The following EMCN variants were observed in gnomAD, a reference collection of about 807,000 sequenced individuals.
EMCN encodes the protein endomucin, also known as MUC-14.
Under a neutral mutation model 38.4 loss-of-function variants are expected in EMCN, and 37 were observed. The ratio of observed to expected loss-of-function variants is 0.96; its 90% CI spans 0.74 to 1.27. The LOEUF is 1.27. Among genes scored for constraint, EMCN ranks in the 50% most tolerant of loss-of-function variants. The pLI, the probability that EMCN is intolerant of heterozygous loss-of-function variation, is 0.00. For missense variants in EMCN, 318 were observed against 302.8 expected, an observed-to-expected ratio of 1.05 and a Z score of -0.37; for synonymous variants, 95 against 100.8, an observed-to-expected ratio of 0.94 and a Z score of 0.35.
chr4:100,430,613 G>T (rs1727169975), intron 5 of EMCN, among the ~76,000 whole-genome samples: 1 of 152,138 alleles, frequency 6.6e-6, no homozygotes, highest in Non-Finnish European at 1.5e-5. Flanking sequence ...TAAAGTGATT[G>T]CTGGGCAGCT....
At chr4:100,478,300 G>GACTAACCTCCTTCCTT (rs774062224) in intron 2 of EMCN, among the ~76,000 whole-genome samples, 2 of 152,078 alleles carry the variant, frequency 1.3e-5, no homozygotes, top group Non-Finnish European at 2.9e-5. Context: ...CCCTAGAATA[G>GACTAACCTCCTTCCTT]ACTAACCTCC....
intron 9 of EMCN, among the ~76,000 whole-genome samples, chr4:100,416,841 T>C (rs1275043808): frequency 6.6e-6 from 1 of 152,146 alleles, no homozygotes; most frequent in African/African-American, 2.4e-5. Context: ...TTTAAAACTC[T>C]AGGTATTTTT....
chr4:100,401,189 ATATACAG>A (rs1726248755), intron 11 of EMCN, among the ~76,000 whole-genome samples: 1 of 152,194 alleles, frequency 6.6e-6, no homozygotes, highest in African/African-American at 2.4e-5. Flanking sequence ...TACGATCATA[ATATACAG>A]TTGGCCTTCC....
chr4:100,417,913 T>C (rs1416888845), intron 8 of EMCN, among the ~76,000 whole-genome samples: 1 of 152,232 alleles, frequency 6.6e-6, no homozygotes, highest in South Asian at 2.1e-4. Context: ...TTTTATTCCA[T>C]TGCAGCTTCT....
intron 5 of EMCN, among the ~76,000 whole-genome samples, chr4:100,435,877 TCAA>T (rs1452009857): frequency 6.6e-6 from 1 of 151,948 alleles, no homozygotes; most frequent in Non-Finnish European, 1.5e-5. Flanking sequence ...AAAAATTAAC[TCAA>T]GATGGATTAA....
At chr4:100,516,676 A>C (rs897651418) in intron 1 of EMCN, among the ~76,000 whole-genome samples, 3 of 152,104 alleles carry the variant, frequency 2.0e-5, no homozygotes, top group Non-Finnish European at 4.4e-5. Flanking sequence ...CGTGAATTTG[A>C]AGTGTTTTTG....
intron 1 of EMCN, among the ~76,000 whole-genome samples, chr4:100,490,174 T>TAAAA (rs35563606): frequency 1.7e-5 from 2 of 120,366 alleles, no homozygotes; most frequent in African/African-American, 3.0e-5. Flanking sequence ...CTTGAAAAAG[T>TAAAA]AAAAAAAAAA....
chr4:100,514,980 A>G (rs1422109449), intron 1 of EMCN, among the ~76,000 whole-genome samples: 2 of 152,090 alleles, frequency 1.3e-5, no homozygotes, highest in African/African-American at 2.4e-5. Flanking sequence ...TAAACTTACG[A>G]TATTTAGCAT....
intron 1 of EMCN, among the ~76,000 whole-genome samples, chr4:100,514,833 C>T (rs1330093801): frequency 6.6e-6 from 1 of 152,112 alleles, no homozygotes; most frequent in Non-Finnish European, 1.5e-5. Context: ...ACATCCAAAA[C>T]CAGGCTAGTT....
chr4:100,508,349 A>T (rs1729537242), intron 1 of EMCN, among the ~76,000 whole-genome samples: 1 of 152,168 alleles, frequency 6.6e-6, no homozygotes, highest in African/African-American at 2.4e-5. Context: ...AATATAAGAA[A>T]GTTGTTATAT....
rs577033576 is a variant in EMCN at position 100,426,266 on chromosome 4, G to C, written c.416-2862C>G. The stretch of plus-strand genomic sequence containing the variant: ...CGTGTCCTCTGAAACCCATCTCTCT[G>C]TTTGTGCTGGTGCCATGTCTCTCTA... On this transcript the variant is annotated intron_variant, in intron 5 of 11. Transcript: ENST00000296420. Among the ~76,000 whole-genome samples, 5 of 152,258 alleles carry C rather than the reference G, an allele frequency of 3.3e-5. No homozygotes were observed. In the South Asian group the frequency reaches 6.2e-4, roughly 19 times the overall value.
chr4:100,416,966 G>T, intron 9 of EMCN, 151 bp downstream of exon 9: 2 of 707,384 alleles, frequency 2.8e-6, no homozygotes, highest in East Asian at 2.7e-5. Flanking sequence ...GAATTTCTCT[G>T]TTAAATGGAG....
At chr4:100,498,855 T>C (rs1412776478) in intron 1 of EMCN, among the ~76,000 whole-genome samples, 6 of 152,262 alleles carry the variant, frequency 3.9e-5, no homozygotes, top group Non-Finnish European at 5.9e-5. Context: ...TAGGTGATGA[T>C]ATAAACATTA....
chr4:100,422,860 A>G (rs1276636752), intron 7 of EMCN, among the ~76,000 whole-genome samples, 161 bp downstream of exon 7: 1 of 146,540 alleles, frequency 6.8e-6, no homozygotes, highest in Non-Finnish European at 1.5e-5. Flanking sequence ...CACTTGTGGG[A>G]AATTTTCAGA....
chr4:100,420,801 T>A (rs1302653992), intron 8 of EMCN, among the ~76,000 whole-genome samples: 8 of 151,990 alleles, frequency 5.3e-5, no homozygotes, highest in Non-Finnish European at 1.0e-4. Flanking sequence ...AGTTTATTTT[T>A]AAAAAGGATA....
chr4:100,411,436 A>G (rs1022317443), intron 10 of EMCN, among the ~76,000 whole-genome samples: 6 of 152,318 alleles, frequency 3.9e-5, no homozygotes, highest in African/African-American at 1.2e-4. Context: ...AAAGCAAGTC[A>G]TTGAAAATCT....
At chr4:100,449,891 C>T (rs1348206505) in intron 4 of EMCN, among the ~76,000 whole-genome samples, 1 of 151,786 alleles carries the variant, frequency 6.6e-6, no homozygotes, top group Non-Finnish European at 1.5e-5. Context: ...AATATTTAAT[C>T]CAGTATAGAA....
Position 100,443,507 on chromosome 4 carries a change from TCTC to T in EMCN, c.415+4023_415+4025del, listed in dbSNP as rs1727581214. 2.0e-5 allele frequency among the ~76,000 whole-genome samples: 3 copies of T among 152,316 alleles called. No individual in the cohort carries two copies. The South Asian group carries it at 6.2e-4, about 32-fold the overall frequency. On this transcript the variant is annotated intron_variant, in intron 5 of 11. Coordinates refer to ENST00000296420, the MANE Select transcript of EMCN (RefSeq NM_016242.4). Reference sequence around the variant, plus strand: ...GTTGCTAGGGCAAAGGCTTAACAATTCTCCTGTTCTTGTCTTTCCCACAGTGGG... The same window carrying T: ...GTTGCTAGGGCAAAGGCTTAACAATTCTGTTCTTGTCTTTCCCACAGTGGG...
At chr4:100,517,695 T>TGGAGAAGG (rs1729794874) in intron 1 of EMCN, among the ~76,000 whole-genome samples, 156 bp downstream of exon 1, 1 of 152,014 alleles carries the variant, frequency 6.6e-6, no homozygotes, top group African/African-American at 2.4e-5. Context: ...TCTCAAGCCT[T>TGGAGAAGG]CTCCACGCAC....
Sources: allele counts gnomAD v4.1 joint callset (sites outside exome capture counted in the v4.1 genomes callset), GRCh38; gene constraint gnomAD v4.1.1; transcripts MANE v1.5; gene names NCBI Gene and HGNC (gene_info 2026-07-23, HGNC 2026-07-21).